Variants in TMEM108 observed in about 807,000 individuals in gnomAD.
The protein encoded by TMEM108 is cancer/testis antigen 124.
In TMEM108, 12 loss-of-function variants were observed where a neutral mutation model predicts 35.1. The observed-to-expected ratio is 0.34, with a 90% CI of 0.22 to 0.55. TMEM108 has a LOEUF of 0.55. Ranked by LOEUF, TMEM108 falls within the 20% of genes least tolerant of loss-of-function variation. TMEM108 has a pLI of 0.89. For missense variants in TMEM108, 680 were observed against 753.3 expected, an observed-to-expected ratio of 0.90 and a Z score of 1.14; for synonymous variants, 287 against 308.6, an observed-to-expected ratio of 0.93 and a Z score of 0.73.
In TMEM108 at chr3:133,185,353, G is replaced by A. The variant is rs1945403314; in HGVS notation, c.-46-43913G>A. ...TGTTTCCCCCATTGAATGGACATGT[G>A]GATGCTTTTGGTTTAACTACTGCAT... is the stretch of plus-strand genomic sequence containing the variant. On this transcript the variant is annotated intron_variant, in intron 2 of 5. Transcript: ENST00000321871. 3.3e-5 allele frequency among the ~76,000 whole-genome samples: 5 copies of A among 151,950 alleles called. No individual in the cohort carries two copies. The South Asian group carries it at 1.0e-3, about 32-fold the overall frequency.
At chr3:133,223,068 C>T (rs1245074224) in intron 2 of TMEM108, among the ~76,000 whole-genome samples, 1 of 152,136 alleles carries the variant, frequency 6.6e-6, no homozygotes, top group African/African-American at 2.4e-5. Context: ...CTTTGTTAGG[C>T]AGTTTATAAG....
At position 133,134,124 on chromosome 3, in the gene TMEM108, T is replaced by G. The variant is rs148989497; in HGVS notation, c.-47+88104T>G. On this transcript the variant is annotated intron_variant, in intron 2 of 5. Coordinates refer to ENST00000321871, the MANE Select transcript of TMEM108 (RefSeq NM_023943.4). ...ATATATATACAGTATAGATTATATA[T>G]ATATGTATAAAATCTCACATTTGTG... Among the ~76,000 whole-genome samples, 1,263 of 151,912 alleles carry G rather than the reference T, an allele frequency of 8.3e-3. 21 individuals are homozygous for G. Among genetic ancestry groups the G allele is most frequent in the African/African-American group, 0.028 (1,165 of 41,486 alleles).
At chr3:133,347,786 T>C (rs750503388) in intron 3 of TMEM108, among the ~76,000 whole-genome samples, 3 of 152,088 alleles carry the variant, frequency 2.0e-5, no homozygotes, top group Admixed American at 1.3e-4. Context: ...GGAGTGACTA[T>C]GTAGAATATA....
At chr3:133,179,585 T>G (rs150990000) in intron 2 of TMEM108, among the ~76,000 whole-genome samples, 2,628 of 151,428 alleles carry the variant, frequency 0.017, 76 homozygotes, top group African/African-American at 0.061. Context: ...TTGTTCTCAC[T>G]CATAGGTGGG....
At chr3:133,263,918 TC>T in intron 3 of TMEM108, among the ~76,000 whole-genome samples, 1 of 152,322 alleles carries the variant, frequency 6.6e-6, no homozygotes, top group East Asian at 1.9e-4. Flanking sequence ...CATTCTTTCA[TC>T]CTGCAAAGGA....
chr3:133,288,802 C>T (rs139595569), intron 3 of TMEM108, among the ~76,000 whole-genome samples: 89 of 152,214 alleles, frequency 5.8e-4, no homozygotes, highest in African/African-American at 2.0e-3. Flanking sequence ...TGCAGTGGTG[C>T]AATCTCAGCT....
chr3:133,293,047 A>T (rs540395433), intron 3 of TMEM108, among the ~76,000 whole-genome samples: 13 of 152,252 alleles, frequency 8.5e-5, no homozygotes, highest in African/African-American at 2.9e-4. Flanking sequence ...TATTCTTAAG[A>T]ACAATAGGGA....
intron 2 of TMEM108, among the ~76,000 whole-genome samples, chr3:133,060,463 T>A (rs935701527): frequency 6.6e-6 from 1 of 152,196 alleles, no homozygotes; most frequent in Non-Finnish European, 1.5e-5. Context: ...GATTTTGCAT[T>A]TCACTGGGGC....
intron 4 of TMEM108, chr3:133,386,839 G>T: frequency 1.6e-6 from 1 of 645,098 alleles, no homozygotes; most frequent in Non-Finnish European, 2.0e-6. Flanking sequence ...CTGGACTCAA[G>T]TTGCAGTAAT....
At chr3:133,155,091 A>G (rs4384947) in intron 2 of TMEM108, among the ~76,000 whole-genome samples, 7,267 of 152,130 alleles carry the variant, frequency 0.048, 356 homozygotes, top group Admixed American at 0.15. Context: ...TCCTATTTAT[A>G]AGTGAGAACA....
intron 2 of TMEM108, among the ~76,000 whole-genome samples, chr3:133,174,554 CCCAGGGAAACAGGGTCTGGAGTGGACCT>C (rs1945181958): frequency 6.6e-6 from 1 of 152,176 alleles, no homozygotes. Flanking sequence ...GCTGCTGATA[CCCAGGGAAACAGGGTCTGGAGTGGACCT>C]CCAGCAAACT....
rs555265229 is a variant in TMEM108, at chr3:133,199,656, T to C, written c.-46-29610T>C. Among the ~76,000 whole-genome samples, 4 of 152,234 alleles carry C rather than the reference T, an allele frequency of 2.6e-5. No individual in the cohort carries two copies. The East Asian group carries it at 7.7e-4, about 29-fold the overall frequency. Reference sequence around the variant, plus strand: ...TAATCGTTCCTCTGGAAGCTTCGTCTCAGAGGGGCACCCAGCCGTATGAGG... The same window carrying C: ...TAATCGTTCCTCTGGAAGCTTCGTCCCAGAGGGGCACCCAGCCGTATGAGG... On this transcript the variant is annotated intron_variant, in intron 2 of 5. Coordinates refer to ENST00000321871, the MANE Select transcript of TMEM108 (RefSeq NM_023943.4).
At chr3:133,157,033 C>G (rs1347640982) in intron 2 of TMEM108, among the ~76,000 whole-genome samples, 1 of 152,166 alleles carries the variant, frequency 6.6e-6, no homozygotes, top group Non-Finnish European at 1.5e-5. Flanking sequence ...GGGGTTGTTA[C>G]TGCAACATAA....
intron 3 of TMEM108, among the ~76,000 whole-genome samples, chr3:133,280,933 G>C (rs952250473): frequency 6.6e-6 from 1 of 152,214 alleles, no homozygotes; most frequent in Non-Finnish European, 1.5e-5. Context: ...GGAAATATAT[G>C]AGACTTCTTG....
At chr3:133,131,107 A>G (rs753182863) in intron 2 of TMEM108, among the ~76,000 whole-genome samples, 14 of 152,164 alleles carry the variant, frequency 9.2e-5, no homozygotes, top group Non-Finnish European at 1.8e-4. Flanking sequence ...AAACAGCTGA[A>G]TATTTATGTA....
intron 2 of TMEM108, among the ~76,000 whole-genome samples, chr3:133,183,328 G>A (rs1269199738): frequency 1.3e-5 from 2 of 152,082 alleles, no homozygotes; most frequent in East Asian, 3.8e-4. Context: ...TTATTCCTAA[G>A]GCATATGATT....
At chr3:133,366,559 A>G (rs986673795) in intron 3 of TMEM108, among the ~76,000 whole-genome samples, 2 of 152,184 alleles carry the variant, frequency 1.3e-5, no homozygotes, top group Non-Finnish European at 2.9e-5. Flanking sequence ...GCCATCTTCC[A>G]TTGTTCTCTC....
At chr3:133,129,349 C>CA (rs1944458904) in intron 2 of TMEM108, among the ~76,000 whole-genome samples, 2 of 60,014 alleles carry the variant, frequency 3.3e-5, no homozygotes, top group African/African-American at 1.1e-4. Flanking sequence ...CGCACCCACA[C>CA]CCCCCCCCCC....
chr3:133,109,416 T>C (rs1944199025), intron 2 of TMEM108, among the ~76,000 whole-genome samples: 1 of 152,106 alleles, frequency 6.6e-6, no homozygotes, highest in South Asian at 2.1e-4. Context: ...TAGCTTGAGC[T>C]CAGGAGTTTG....
Sources: allele counts gnomAD v4.1 joint callset (sites outside exome capture counted in the v4.1 genomes callset), GRCh38; gene constraint gnomAD v4.1.1; transcripts MANE v1.5; gene names NCBI Gene and HGNC (gene_info 2026-07-23, HGNC 2026-07-21).